Variants in THRA observed in about 807,000 individuals in gnomAD.
THRA encodes EAR-7.
THRA carries 13 observed loss-of-function variants against 45.0 expected under a neutral mutation model. That is an observed-to-expected ratio of 0.29 (90% CI 0.19 to 0.46). The LOEUF is 0.46. Ranked by LOEUF, THRA falls within the 20% of genes least tolerant of loss-of-function variation. THRA has a pLI of 1.00. For missense variants in THRA, 278 were observed against 556.1 expected (o/e 0.50, Z 5.03); for synonymous variants, 195 against 214.0 (o/e 0.91, Z 0.78).
In THRA at chr17:40,091,268, A is replaced by ACACACG. The variant is rs1302788936; in HGVS notation, c.*1815_*1816insACGCAC. The stretch of plus-strand genomic sequence containing the variant: ...CACACACACACACACACACACACAC[A>ACACACG]CACGGACATGCACACACGGACATGG... On this transcript the variant is annotated 3_prime_UTR_variant, in exon 9 of 9. Transcript: ENST00000450525. 6 of 152,226 alleles carry ACACACG rather than the reference A, an allele frequency of 3.9e-5. No individual in the cohort carries two copies. The highest frequency in any genetic ancestry group is 6.6e-5 in the Admixed American group (1 of 15,048). 9.4% of individuals were successfully genotyped at this position (152,226 alleles called of 1,614,324 possible). A position where few individuals can be genotyped will look rare whatever the true frequency, so the allele number is the denominator to read the frequency against.
intron 4 of THRA, 32 bp downstream of exon 4, chr17:40,077,640 C>T (rs1986997747): frequency 6.4e-7 from 1 of 1,569,872 alleles, no homozygotes; most frequent in South Asian, 1.1e-5. Context: ...CCTCCCCTGC[C>T]ACCTGAGCCC....
chr17:40,075,668 C>G (rs1986927626), intron 2 of THRA, among the ~76,000 whole-genome samples: 1 of 152,200 alleles, frequency 6.6e-6, no homozygotes, highest in African/African-American at 2.4e-5. Flanking sequence ...CCCCCATCAC[C>G]TTCCCCTCCC....
In THRA at chr17:40,074,454, C is replaced by T. The variant is rs752447915; in HGVS notation, c.-35C>T. 6 of 1,612,854 alleles carry T rather than the reference C, an allele frequency of 3.7e-6. No individual in the cohort carries two copies. The highest frequency in any genetic ancestry group is 1.6e-4 in the Middle Eastern group (1 of 6,064). On this transcript the variant is annotated 5_prime_UTR_variant, in exon 2 of 9. Transcript: ENST00000450525. ...CAGTGTGCCCACCCCAGTCTCTTGG[C>T]GTGCTGGAGGGCATCCTGGATGGAA...
At chr17:40,080,425 A>C (rs58572090) in intron 4 of THRA, among the ~76,000 whole-genome samples, 41,090 of 147,764 alleles carry the variant, frequency 0.28, 5,837 homozygotes, top group Middle Eastern at 0.43. Flanking sequence ...AACAAACAAA[A>C]AAAAAAAACG....
At chr17:40,088,103 C>A in intron 7 of THRA, 139 bp from the exon 8 acceptor site, 2 of 1,171,958 alleles carry the variant, frequency 1.7e-6, no homozygotes, top group Non-Finnish European at 2.3e-6. Flanking sequence ...AGGGCATGCA[C>A]ATGGCCCAAT....
chr17:40,088,140 G>C, intron 7 of THRA, 102 bp from the exon 8 acceptor site: 1 of 1,460,180 alleles, frequency 6.8e-7, no homozygotes. Flanking sequence ...AGAGTCCATG[G>C]GGGCCTTGCG....
At position 40,089,998 on chromosome 17, in the gene THRA, A is replaced by T; in HGVS notation, c.*542A>T. 1 of 988,682 alleles carries T rather than the reference A, an allele frequency of 1.0e-6. No homozygotes were observed. Among genetic ancestry groups the T allele is most frequent in the Non-Finnish European group, 1.2e-6 (1 of 831,888 alleles). 61.2% of individuals were successfully genotyped at this position (988,682 alleles called of 1,614,324 possible). On this transcript the variant is annotated 3_prime_UTR_variant, in exon 9 of 9. Transcript: ENST00000450525. The surrounding 1 kb of genome is among the most constrained non-coding windows in gnomAD (Gnocchi z 6.1). ...CATTCTAACTGCACTTTGGAAACCA[A>T]GCAAGGGGAGAAGACAAATGAAGAA...
chr17:40,084,377 T>TAGA, intron 5 of THRA: 1 of 560,182 alleles, frequency 1.8e-6, no homozygotes, highest in Middle Eastern at 4.8e-4. Flanking sequence ...CATAATCCGT[T>TAGA]AGACCAGAAC....
At chr17:40,084,500 A>T in intron 5 of THRA, 110 bp from the exon 6 acceptor site, 1 of 1,262,752 alleles carries the variant, frequency 7.9e-7, no homozygotes, top group South Asian at 1.4e-5. Flanking sequence ...TTTAGCCTCC[A>T]TGGCCCTCGG....
At chr17:40,082,479 C>T (rs1669156956) in intron 4 of THRA, among the ~76,000 whole-genome samples, 1 of 151,404 alleles carries the variant, frequency 6.6e-6, no homozygotes, top group Admixed American at 6.6e-5. Flanking sequence ...AAGCGATTCT[C>T]CTGCCTCAGC....
Position 40,089,685 on chromosome 17 carries a change from G to T in THRA, c.*229G>T. 7.2e-7 allele frequency: 1 copy of T among 1,387,920 alleles called. No individual in the cohort carries two copies. The highest frequency in any genetic ancestry group is 9.4e-7 in the Non-Finnish European group (1 of 1,069,488). 86.0% of individuals were successfully genotyped at this position (1,387,920 alleles called of 1,614,324 possible). ...TGCTATGGAAAGGACAGTGTGGGAG[G>T]CTGGGGGAGCTGTGTCCTGCAGTTC... On this transcript the variant is annotated 3_prime_UTR_variant, in exon 9 of 9. Coordinates refer to ENST00000450525, the MANE Select transcript of THRA (RefSeq NM_199334.5). This position sits in a 1 kb window ranked among gnomAD's most constrained non-coding sequence, Gnocchi z 6.1.
chr17:40,089,949 C>T lies in THRA; in HGVS notation c.*493C>T, dbSNP rs1233763726. On this transcript the variant is annotated 3_prime_UTR_variant, in exon 9 of 9. Coordinates refer to ENST00000450525, the MANE Select transcript of THRA (RefSeq NM_199334.5). This position sits in a 1 kb window ranked among gnomAD's most constrained non-coding sequence, Gnocchi z 6.1. ...CAAAGAACGGCTTGGCTTGGCTCCT[C>T]CTCTGGAGGTTAAAATTTATAGTCA... 1.0e-6 allele frequency: 1 copy of T among 992,536 alleles called. No individual in the cohort carries two copies. The highest frequency in any genetic ancestry group is 1.2e-6 in the Non-Finnish European group (1 of 834,396). The allele number at this position is 992,536 out of a possible 1,614,324, so 61.5% of individuals were successfully genotyped here.
chr17:40,078,228 C>T (rs1291787935), intron 4 of THRA, among the ~76,000 whole-genome samples: 1 of 152,208 alleles, frequency 6.6e-6, no homozygotes, highest in African/African-American at 2.4e-5. Context: ...CCTAAAATCC[C>T]AGCCCTTTGG....
At chr17:40,081,309 G>GGTGC (rs1987130050) in intron 4 of THRA, among the ~76,000 whole-genome samples, 1 of 151,994 alleles carries the variant, frequency 6.6e-6, no homozygotes, top group Admixed American at 6.6e-5. Flanking sequence ...GGAGTGCAGT[G>GGTGC]GTGCGATCAT....
In THRA at chr17:40,089,008, C is replaced by T. The variant is rs1987435316; in HGVS notation, c.983-198C>T. Among the ~76,000 whole-genome samples the T allele has an allele frequency of 1.4e-5, 2 of 142,274 alleles. No homozygotes were observed. The highest frequency in any genetic ancestry group is 1.4e-4 in the Admixed American group (2 of 14,164). 93.3% of individuals were successfully genotyped at this position (142,274 alleles called of 152,430 possible). On this transcript the variant is annotated intron_variant, in intron 8 of 8. Transcript: ENST00000450525. This position sits in a 1 kb window ranked among gnomAD's most constrained non-coding sequence, Gnocchi z 6.1. ...CTCCCCCCAGTACCCCCCTGCCCCT[C>T]TCCACTTCCCAGCTGCCTCCCTCTC...
intron 4 of THRA, among the ~76,000 whole-genome samples, chr17:40,081,469 C>T (rs1035798656): frequency 6.6e-6 from 1 of 151,766 alleles, no homozygotes; most frequent in Non-Finnish European, 1.5e-5. Context: ...CTATGTTGGA[C>T]AGGCTGGTCT....
intron 4 of THRA, among the ~76,000 whole-genome samples, chr17:40,079,836 A>G (rs1269086532): frequency 6.6e-6 from 1 of 152,126 alleles, no homozygotes; most frequent in East Asian, 1.9e-4. Flanking sequence ...TGAATGAGCA[A>G]ATGAACGAAT....
rs534497447 is a variant in THRA at position 40,085,581 on chromosome 17, G to A, written c.576+766G>A. On this transcript the variant is annotated intron_variant, in intron 6 of 8. Coordinates refer to ENST00000450525, the MANE Select transcript of THRA (RefSeq NM_199334.5). ...ACTCCTGACCTCAAGTGATCCACCC[G>A]CCTCGGCCTCCCAAAGTGCTGTGAT... is the stretch of plus-strand genomic sequence containing the variant. 1.6e-4 allele frequency among the ~76,000 whole-genome samples: 24 copies of A among 151,728 alleles called. No individual in the cohort carries two copies. The South Asian group carries it at 3.7e-3, about 24-fold the overall frequency.
intron 1 of THRA, among the ~76,000 whole-genome samples, chr17:40,073,860 G>C (rs573649505): frequency 2.0e-5 from 3 of 152,180 alleles, no homozygotes; most frequent in African/African-American, 7.2e-5. Context: ...TTTCTAGAGG[G>C]GTGGTAACAA....
Sources: allele counts gnomAD v4.1 joint callset (sites outside exome capture counted in the v4.1 genomes callset), GRCh38; gene constraint gnomAD v4.1.1; non-coding constraint Gnocchi (gnomAD v3.1); transcripts MANE v1.5; gene names NCBI Gene and HGNC (gene_info 2026-07-23, HGNC 2026-07-21).